The following MCC variants were observed in gnomAD, a reference collection of about 807,000 sequenced individuals.
MCC encodes MCC regulator of Wnt signaling pathway, also known as colorectal mutant cancer protein.
In MCC, 90 loss-of-function variants were observed where a neutral mutation model predicts 116.2. The ratio of observed to expected loss-of-function variants is 0.77; its 90% CI spans 0.65 to 0.92. The LOEUF is 0.92. Ranked by LOEUF, MCC falls within the 40% of genes least tolerant of loss-of-function variation. MCC has a pLI of 0.00. For missense variants in MCC, 1,516 were observed against 1,312.2 expected, an observed-to-expected ratio of 1.16 and a Z score of -2.40; for synonymous variants, 578 against 510.5, an observed-to-expected ratio of 1.13 and a Z score of -1.78.
intron 3 of MCC, among the ~76,000 whole-genome samples, chr5:113,210,138 C>T (rs997708557): frequency 1.3e-5 from 2 of 152,070 alleles, no homozygotes; most frequent in Non-Finnish European, 2.9e-5. Context: ...TAAAGTAGGG[C>T]AGGGAGTGTG....
chr5:113,166,204 G>A (rs1055110605), intron 3 of MCC, among the ~76,000 whole-genome samples: 2 of 152,084 alleles, frequency 1.3e-5, no homozygotes, highest in African/African-American at 4.8e-5. Flanking sequence ...AAGAAACTAT[G>A]AAAGACTCCT....
At chr5:113,438,431 T>C (rs1211598060) in intron 1 of MCC, among the ~76,000 whole-genome samples, 2 of 152,182 alleles carry the variant, frequency 1.3e-5, no homozygotes, top group African/African-American at 2.4e-5. Context: ...ATCTGTAAAA[T>C]AGATGAAGTT....
intron 1 of MCC, among the ~76,000 whole-genome samples, chr5:113,475,744 A>T (rs960861394): frequency 6.6e-6 from 1 of 152,206 alleles, no homozygotes; most frequent in Non-Finnish European, 1.5e-5. Flanking sequence ...TGATGCTAAG[A>T]AGGCAGTTAT....
At chr5:113,303,670 C>CT (rs957422132) in intron 3 of MCC, among the ~76,000 whole-genome samples, 2 of 151,768 alleles carry the variant, frequency 1.3e-5, no homozygotes, top group Non-Finnish European at 2.9e-5. Context: ...GAGATAACTT[C>CT]TTTTTTTTGA....
chr5:113,342,915 T>C lies in MCC; in HGVS notation c.416-2185A>G, dbSNP rs185477812. ...TATGCACAGGACGTGTACTGGGTCC[T>C]GGGGATATAGCAGTAAGCATGAGAA... is the stretch of plus-strand genomic sequence containing the variant. On this transcript the variant is annotated intron_variant, in intron 2 of 18. Transcript: ENST00000408903. Among the ~76,000 whole-genome samples the C allele has an allele frequency of 6.6e-5, 10 of 152,312 alleles. No homozygotes were observed. In the East Asian group the frequency reaches 1.5e-3, roughly 24 times the overall value.
chr5:113,137,327 T>C (rs78667237), intron 5 of MCC, among the ~76,000 whole-genome samples: 4,190 of 152,248 alleles, frequency 0.028, 89 homozygotes, highest in African/African-American at 0.053. Context: ...GGTATTACAA[T>C]TCAAGATGAG....
chr5:113,114,082 G>A (rs1315707275), intron 6 of MCC, among the ~76,000 whole-genome samples: 1 of 151,560 alleles, frequency 6.6e-6, no homozygotes, highest in Non-Finnish European at 1.5e-5. Flanking sequence ...ACTTTTAAAT[G>A]GCTTAGAAAA....
Position 113,488,394 on chromosome 5 carries a change from TGCCGCCGCG to T in MCC, c.12_20del (p.Ala8_Ala10del), listed in dbSNP as rs750200173. 5.7e-6 allele frequency: 8 copies of T among 1,402,548 alleles called. 1 individual carries two copies. The East Asian group carries it at 9.2e-5, about 16-fold the overall frequency. The allele number at this position is 1,402,548 out of a possible 1,614,324, so 86.9% of individuals were successfully genotyped here. On this transcript the variant is annotated inframe_deletion, in exon 1 of 19. Coordinates refer to ENST00000408903, the MANE Select transcript of MCC (RefSeq NM_001085377.2). The stretch of plus-strand genomic sequence containing the variant: ...CGCTGCTGGAGCTCCCCGCAGCCGC[TGCCGCCGCG>T]GCCGCCATCATGCGCCCGCTCCCTA...
intron 3 of MCC, among the ~76,000 whole-genome samples, chr5:113,287,790 C>G (rs1296301866): frequency 6.6e-6 from 1 of 152,244 alleles, no homozygotes; most frequent in Non-Finnish European, 1.5e-5. Context: ...ACATTCCCTA[C>G]TCTAGATAAG....
chr5:113,172,799 C>T (rs1375332211), intron 3 of MCC, among the ~76,000 whole-genome samples: 5 of 152,096 alleles, frequency 3.3e-5, no homozygotes, highest in Admixed American at 6.5e-5. Flanking sequence ...TGCCTTCTAC[C>T]GAAAGCTATT....
chr5:113,438,145 A>C (rs1164742054), intron 1 of MCC, among the ~76,000 whole-genome samples: 1 of 152,130 alleles, frequency 6.6e-6, no homozygotes, highest in Non-Finnish European at 1.5e-5. Flanking sequence ...TCATTTTGTG[A>C]CCTTAGGCAA....
intron 2 of MCC, among the ~76,000 whole-genome samples, chr5:113,363,846 G>A (rs551476957): frequency 7.2e-5 from 11 of 152,184 alleles, no homozygotes; most frequent in Admixed American, 2.0e-4. Flanking sequence ...CTATAATCCC[G>A]TAGAATCAAA....
chr5:113,193,691 C>T (rs1365606442), intron 3 of MCC, among the ~76,000 whole-genome samples: 2 of 152,186 alleles, frequency 1.3e-5, no homozygotes, highest in Non-Finnish European at 2.9e-5. Flanking sequence ...TTCTGTTTCT[C>T]CTAGGAAACC....
intron 5 of MCC, among the ~76,000 whole-genome samples, chr5:113,126,865 T>C (rs761209725): frequency 2.0e-5 from 3 of 152,102 alleles, no homozygotes; most frequent in Non-Finnish European, 4.4e-5. Context: ...ATCCCTCATA[T>C]TGTTGGGGTT....
chr5:113,378,822 G>T (rs890335807), intron 2 of MCC, among the ~76,000 whole-genome samples: 1 of 152,106 alleles, frequency 6.6e-6, no homozygotes, highest in African/African-American at 2.4e-5. Flanking sequence ...ATTCAAAAGG[G>T]CATGTTTAAA....
At chr5:113,408,215 A>G (rs1201788134) in intron 1 of MCC, among the ~76,000 whole-genome samples, 1 of 152,214 alleles carries the variant, frequency 6.6e-6, no homozygotes, top group Admixed American at 6.5e-5. Context: ...TAGGTCTAAG[A>G]TAGAGGAAGG....
chr5:113,285,795 C>T (rs760997054), intron 3 of MCC, among the ~76,000 whole-genome samples: 25 of 152,184 alleles, frequency 1.6e-4, no homozygotes, highest in Non-Finnish European at 3.7e-4. Flanking sequence ...ATGCATAGAA[C>T]AGGGACTACA....
chr5:113,064,188 C>A, intron 13 of MCC, 21 bp from the exon 14 acceptor site: 1 of 1,594,582 alleles, frequency 6.3e-7, no homozygotes. Context: ...GAGAAGCCAA[C>A]GGATTAATCA....
intron 3 of MCC, among the ~76,000 whole-genome samples, chr5:113,236,942 T>C (rs1207357898): frequency 6.6e-6 from 1 of 152,188 alleles, no homozygotes; most frequent in Non-Finnish European, 1.5e-5. Context: ...AAAGCTGCAA[T>C]GAATATACTG....
Sources: allele counts gnomAD v4.1 joint callset (sites outside exome capture counted in the v4.1 genomes callset), GRCh38; gene constraint gnomAD v4.1.1; transcripts MANE v1.5; gene names NCBI Gene and HGNC (gene_info 2026-07-23, HGNC 2026-07-21).